Variants in SMYD3 observed in about 807,000 individuals in gnomAD.
SMYD3 encodes the protein SET and MYND domain containing 3.
SMYD3 carries 36 observed loss-of-function variants against 57.7 expected under a neutral mutation model. The ratio of observed to expected loss-of-function variants is 0.62; its 90% CI spans 0.48 to 0.82. The LOEUF (loss-of-function observed/expected upper bound fraction) is 0.82. Ranked by LOEUF, SMYD3 falls within the 40% of genes least tolerant of loss-of-function variation. SMYD3 has a pLI of 0.00. For missense variants in SMYD3, 515 were observed against 538.8 expected, an observed-to-expected ratio of 0.96 and a Z score of 0.44; for synonymous variants, 211 against 195.0, an observed-to-expected ratio of 1.08 and a Z score of -0.68.
chr1:246,114,731 A>G (rs1174440244), intron 5 of SMYD3, among the ~76,000 whole-genome samples: 1 of 152,096 alleles, frequency 6.6e-6, no homozygotes, highest in East Asian at 1.9e-4. Flanking sequence ...ACCAGGTTCA[A>G]GCAAATCTTG....
At chr1:245,852,715 T>C (rs2051039570) in intron 10 of SMYD3, among the ~76,000 whole-genome samples, 1 of 152,242 alleles carries the variant, frequency 6.6e-6, no homozygotes, top group African/African-American at 2.4e-5. Context: ...CATTGGATTT[T>C]ATGTCTAGAT....
chr1:245,920,117 T>C (rs1019521927), intron 7 of SMYD3, among the ~76,000 whole-genome samples: 3 of 152,046 alleles, frequency 2.0e-5, no homozygotes, highest in African/African-American at 7.2e-5. Context: ...ATTGAGACCA[T>C]CCTGGCTAAC....
chr1:246,258,075 C>T (rs1558355715), intron 5 of SMYD3, among the ~76,000 whole-genome samples: 2 of 152,114 alleles, frequency 1.3e-5, no homozygotes, highest in Non-Finnish European at 2.9e-5. Flanking sequence ...CTCACTTTGT[C>T]ACCCAGGCTA....
At chr1:246,165,119 CACATGAAGTTAGAGTATCCGGAGG>C (rs1308730786) in intron 5 of SMYD3, among the ~76,000 whole-genome samples, 4 of 152,324 alleles carry the variant, frequency 2.6e-5, no homozygotes, top group African/African-American at 9.6e-5. Flanking sequence ...GTCCACAGGA[CACATGAAGTTAGAGTATCCGGAGG>C]ATTGAGCAAC....
chr1:246,038,781 T>C (rs1434343420), intron 5 of SMYD3, among the ~76,000 whole-genome samples: 2 of 152,204 alleles, frequency 1.3e-5, no homozygotes, highest in African/African-American at 4.8e-5. Flanking sequence ...TGCATGACTG[T>C]GCTCCAGGGT....
Position 245,749,579 on chromosome 1 carries a change from T to G in SMYD3, c.1271A>C (p.Asn424Thr). 1 of 1,614,102 alleles carries G rather than the reference T, an allele frequency of 6.2e-7. No individual in the cohort carries two copies. Among genetic ancestry groups the G allele is most frequent in the Non-Finnish European group, 8.5e-7 (1 of 1,179,936 alleles). Residue 424 changes from asparagine (N) to threonine (T), a missense_variant, in exon 12 of 12, where the codon AAC becomes ACC. Asn to Thr is a moderately conservative substitution (Grantham distance 65, BLOSUM62 0). Transcript: ENST00000490107. ...LILLLEECDA[N>T]IRAS ...TGCGTTCCCTTAGGATGCTCTGATG[T>G]TGGCGTCGCATTCTTCTAAAAGTAG...
intron 5 of SMYD3, among the ~76,000 whole-genome samples, chr1:246,312,778 ATAACTTT>A (rs1447576673): frequency 6.6e-6 from 1 of 152,224 alleles, no homozygotes; most frequent in Non-Finnish European, 1.5e-5. Flanking sequence ...AAATCAGCAA[ATAACTTT>A]TAAAACAAAC....
chr1:246,111,119 G>C (rs2061230699), intron 5 of SMYD3, among the ~76,000 whole-genome samples: 1 of 152,054 alleles, frequency 6.6e-6, no homozygotes, highest in Non-Finnish European at 1.5e-5. Flanking sequence ...TATAGTATAT[G>C]ATAGAAACAT....
intron 5 of SMYD3, among the ~76,000 whole-genome samples, chr1:246,214,419 C>T (rs1004200083): frequency 6.6e-6 from 1 of 152,098 alleles, no homozygotes; most frequent in African/African-American, 2.4e-5. Flanking sequence ...TGTCAATTAA[C>T]TGTATATGAG....
intron 10 of SMYD3, among the ~76,000 whole-genome samples, chr1:245,779,610 G>A (rs2046752007): frequency 6.6e-6 from 1 of 152,132 alleles, no homozygotes; most frequent in Admixed American, 6.5e-5. Context: ...AGTTCCTTTA[G>A]TCTTGTTCCT....
intron 5 of SMYD3, among the ~76,000 whole-genome samples, chr1:246,015,007 C>A (rs2059352406): frequency 6.6e-6 from 1 of 152,170 alleles, no homozygotes. Context: ...CCTGAACAGA[C>A]TCCTATCTGC....
chr1:245,804,380 A>G (rs1454090748), intron 10 of SMYD3, among the ~76,000 whole-genome samples: 2 of 152,132 alleles, frequency 1.3e-5, no homozygotes, highest in African/African-American at 4.8e-5. Flanking sequence ...CAGGAGATCC[A>G]GACCATCCTG....
intron 5 of SMYD3, among the ~76,000 whole-genome samples, chr1:246,279,646 T>G (rs1397105396): frequency 6.6e-6 from 1 of 152,272 alleles, no homozygotes; most frequent in Non-Finnish European, 1.5e-5. Context: ...TATAACATAT[T>G]TAGCAGGAAG....
chr1:245,802,836 T>C (rs2148246613), intron 10 of SMYD3, among the ~76,000 whole-genome samples: 1 of 152,366 alleles, frequency 6.6e-6, no homozygotes, highest in East Asian at 1.9e-4. Context: ...GGGCCTCGTC[T>C]TAAGCTCTTA....
intron 5 of SMYD3, among the ~76,000 whole-genome samples, chr1:246,010,513 C>T (rs1343922252): frequency 1.3e-5 from 2 of 152,196 alleles, no homozygotes; most frequent in East Asian, 3.8e-4. Flanking sequence ...TTTCCTACTA[C>T]TTTGGTTTAC....
At chr1:246,307,488 C>T (rs1209359731) in intron 5 of SMYD3, among the ~76,000 whole-genome samples, 4 of 141,102 alleles carry the variant, frequency 2.8e-5, no homozygotes, top group African/African-American at 5.3e-5. Context: ...GGCGTGATCT[C>T]GGCTCACTGC....
intron 5 of SMYD3, among the ~76,000 whole-genome samples, chr1:246,282,380 G>C (rs940915932): frequency 6.8e-6 from 1 of 146,620 alleles, no homozygotes; most frequent in African/African-American, 2.5e-5. Flanking sequence ...CCACCTGTAG[G>C]CCCAGCTACT....
In SMYD3 at chr1:246,507,220, T is replaced by C. The variant is rs771079345; in HGVS notation, c.-3A>G. On this transcript the variant is annotated 5_prime_UTR_variant, in exon 1 of 12. Coordinates refer to ENST00000490107, the MANE Select transcript of SMYD3 (RefSeq NM_001167740.2). ...TTTTCCACCTTCAGCGGCTCCATCC[T>C]CCCGCAGCTCCGGCACCTCAGACGG... The C allele has an allele frequency of 2.6e-6, 4 of 1,513,808 alleles. No individual in the cohort carries two copies. The South Asian group carries it at 5.0e-5, about 19-fold the overall frequency. The allele number at this position is 1,513,808 out of a possible 1,614,324, so 93.8% of individuals were successfully genotyped here.
At chr1:245,929,376 C>A (rs1190511266) in intron 6 of SMYD3, among the ~76,000 whole-genome samples, 1 of 152,210 alleles carries the variant, frequency 6.6e-6, no homozygotes, top group Non-Finnish European at 1.5e-5. Flanking sequence ...TTTCATAGCT[C>A]AGTGGTAAGA....
Sources: gnomAD v4.1 joint callset for allele counts (sites outside exome capture counted in the v4.1 genomes callset) on GRCh38, gnomAD v4.1.1 for gene constraint, MANE v1.5 for transcripts, NCBI Gene and HGNC (gene_info 2026-07-23, HGNC 2026-07-21) for gene names.